Variants in IL10RB observed in about 807,000 individuals in gnomAD.
The protein encoded by IL10RB is interleukin 10 receptor subunit beta.
In IL10RB, 30 loss-of-function variants were observed where a neutral mutation model predicts 38.7. That is an observed-to-expected ratio of 0.78 (90% CI 0.58 to 1.05). The LOEUF is 1.05. Among genes scored for constraint, IL10RB ranks in the 50% least tolerant of loss-of-function variants. The pLI, the probability that IL10RB is intolerant of heterozygous loss-of-function variation, is 0.00. For synonymous variants in IL10RB, 142 were observed against 145.9 expected (o/e 0.97, Z 0.19); for missense variants, 328 against 397.1 (o/e 0.83, Z 1.48).
At chr21:33,288,042 CT>C (rs1331332566) in intron 5 of IL10RB, 61 bp from the exon 6 acceptor site, 10 of 1,475,176 alleles carry the variant, frequency 6.8e-6, no homozygotes, top group Non-Finnish European at 9.5e-6. Context: ...GGTTAAAATG[CT>C]CTTGGGATCA....
Position 33,268,475 on chromosome 21 carries a change from C to G in IL10RB, c.131C>G (p.Ala44Gly). The G allele has an allele frequency of 6.2e-7, 1 of 1,614,122 alleles. No individual in the cohort carries two copies. The highest frequency in any genetic ancestry group is 1.1e-5 in the South Asian group (1 of 91,078). Residue 44 changes from alanine to glycine, a missense_variant, in exon 2 of 7, where the codon GCT (alanine) becomes GGT (glycine). Physicochemically the swap from Ala to Gly is moderately conservative, Grantham distance 60. Transcript: ENST00000290200. ...AACATTCTACAGTGGGAGTCACCTG[C>G]TTTTGCCAAAGGGAACCTGACTTTC... ...FKNILQWESP[A>G]FAKGNLTFTA...
intron 6 of IL10RB, among the ~76,000 whole-genome samples, chr21:33,290,580 T>G (rs1989466263): frequency 6.6e-6 from 1 of 152,154 alleles, no homozygotes; most frequent in African/African-American, 2.4e-5. Context: ...TGCGCTTGCT[T>G]CCTGACGCAG....
chr21:33,279,314 A>G (rs922706536), intron 3 of IL10RB, among the ~76,000 whole-genome samples: 3 of 152,218 alleles, frequency 2.0e-5, no homozygotes, highest in African/African-American at 7.2e-5. Flanking sequence ...TTAATTATAT[A>G]TGTTAAACAT....
At chr21:33,292,712 A>G (rs1343641312) in intron 6 of IL10RB, among the ~76,000 whole-genome samples, 1 of 152,102 alleles carries the variant, frequency 6.6e-6, no homozygotes, top group Admixed American at 6.5e-5. Context: ...TCTCGTATCT[A>G]TGTTGTGACT....
chr21:33,268,026 A>C, intron 1 of IL10RB: 1 of 362,632 alleles, frequency 2.8e-6, no homozygotes, highest in South Asian at 2.3e-5. Context: ...GCTTAAGCCC[A>C]AAATGGACAT....
chr21:33,268,372 T>C (rs1212049508), intron 1 of IL10RB, 22 bp from the exon 2 acceptor site: 1 of 1,614,016 alleles, frequency 6.2e-7, no homozygotes, highest in African/African-American at 1.3e-5. Context: ...AAGTTGTAAA[T>C]GTTTTTGTCT....
intron 2 of IL10RB, 92 bp from the exon 3 acceptor site, chr21:33,276,504 G>T (rs540965120): frequency 7.1e-6 from 7 of 991,196 alleles, no homozygotes; most frequent in Non-Finnish European, 9.8e-6. Flanking sequence ...TTCCACTCCC[G>T]CGCCGCCCCC....
downstream of IL10RB, among the ~76,000 whole-genome samples, chr21:33,301,266 C>T (rs2082985208): frequency 6.6e-6 from 1 of 152,166 alleles, no homozygotes; most frequent in African/African-American, 2.4e-5. Context: ...CTCCCTGAGT[C>T]AGGTCCATGG....
At chr21:33,288,044 C>T (rs1989407373) in intron 5 of IL10RB, 60 bp from the exon 6 acceptor site, 15 of 1,499,372 alleles carry the variant, frequency 1.0e-5, no homozygotes, top group Non-Finnish European at 1.3e-5. Context: ...TTAAAATGCT[C>T]TTGGGATCAC....
intron 5 of IL10RB, among the ~76,000 whole-genome samples, chr21:33,284,819 C>G (rs976155279): frequency 6.6e-6 from 1 of 152,202 alleles, no homozygotes; most frequent in African/African-American, 2.4e-5. Context: ...AAACAGATAC[C>G]GCTATGCTTC....
Position 33,296,463 on chromosome 21 carries a change from C to T in IL10RB, c.*106C>T. The T allele has an allele frequency of 9.2e-7, 1 of 1,085,248 alleles. No individual in the cohort carries two copies. The allele number at this position is 1,085,248 out of a possible 1,614,324, so 67.2% of individuals were successfully genotyped here. On this transcript the variant is annotated 3_prime_UTR_variant, in exon 7 of 7. Coordinates refer to ENST00000290200, the MANE Select transcript of IL10RB (RefSeq NM_000628.5). Reference sequence around the variant, plus strand: ...AAACAAGGGCCAAGACCATCTGAGCCAGCCCCACATCTAGAACTCCCAGAC... The same window carrying T: ...AAACAAGGGCCAAGACCATCTGAGCTAGCCCCACATCTAGAACTCCCAGAC...
chr21:33,268,032 GA>G (rs556013431), intron 1 of IL10RB: 14 of 367,642 alleles, frequency 3.8e-5, no homozygotes, highest in Admixed American at 2.4e-4. Context: ...GCCCAAAATG[GA>G]CATTGACCTC....
intron 6 of IL10RB, chr21:33,294,174 G>C: frequency 4.9e-6 from 2 of 409,036 alleles, no homozygotes; most frequent in Non-Finnish European, 9.8e-6. Flanking sequence ...GCTGGAGAAG[G>C]GCCAGGCAAC....
At chr21:33,303,463 T>C (rs1041345631) in intron 1 of IL10RB, among the ~76,000 whole-genome samples, 1 of 150,386 alleles carries the variant, frequency 6.6e-6, no homozygotes, top group Non-Finnish European at 1.5e-5. Context: ...CAAGCGATTC[T>C]CCTGCCTCAA....
chr21:33,288,327 A>G, intron 6 of IL10RB, 66 bp downstream of exon 6: 1 of 1,394,820 alleles, frequency 7.2e-7, no homozygotes, highest in Non-Finnish European at 1.0e-6. Context: ...CTTTCTAGTT[A>G]GGGCTGCCCA....
At position 33,296,358 on chromosome 21, in the gene IL10RB, G is replaced by T; in HGVS notation, c.*1G>T. Reference sequence around the variant, plus strand: ...GCCTGGGCAGGGGCCCCAAAGCTAGGCTCTGAGAAGGAAACACACTCGGCT... The same window carrying T: ...GCCTGGGCAGGGGCCCCAAAGCTAGTCTCTGAGAAGGAAACACACTCGGCT... On this transcript the variant is annotated 3_prime_UTR_variant, in exon 7 of 7. Transcript: ENST00000290200. 1 of 1,612,902 alleles carries T rather than the reference G, an allele frequency of 6.2e-7. No individual in the cohort carries two copies. Among genetic ancestry groups the T allele is most frequent in the Non-Finnish European group, 8.5e-7 (1 of 1,179,878 alleles).
At chr21:33,288,385 A>C in intron 6 of IL10RB, 124 bp downstream of exon 6, 1 of 628,240 alleles carries the variant, frequency 1.6e-6, no homozygotes, top group Non-Finnish European at 2.9e-6. Context: ...GCGCGCGCAC[A>C]CACACACACA....
chr21:33,277,142 G>A (rs934284457), intron 3 of IL10RB, among the ~76,000 whole-genome samples: 3 of 152,148 alleles, frequency 2.0e-5, no homozygotes, highest in African/African-American at 7.2e-5. Context: ...CAGATGTAGA[G>A]ATGGAAAATA....
At chr21:33,279,630 A>G in intron 3 of IL10RB, 122 bp from the exon 4 acceptor site, 8 of 830,990 alleles carry the variant, frequency 9.6e-6, no homozygotes, top group Non-Finnish European at 1.3e-5. Context: ...CAATGTCATG[A>G]CAATAGTATA....
Sources: gnomAD v4.1 joint callset for allele counts (sites outside exome capture counted in the v4.1 genomes callset) on GRCh38, gnomAD v4.1.1 for gene constraint, MANE v1.5 for transcripts, NCBI Gene and HGNC (gene_info 2026-07-23, HGNC 2026-07-21) for gene names.